VPS8: variants seen among roughly 807,000 people sequenced by gnomAD.
VPS8 encodes the protein VPS8 subunit of CORVET complex, also known as vacuolar protein sorting-associated protein 8 homolog.
VPS8 carries 129 observed loss-of-function variants against 216.4 expected under a neutral mutation model. The ratio of observed to expected loss-of-function variants is 0.60; its 90% confidence interval spans 0.52 to 0.69. VPS8 has a LOEUF of 0.69. VPS8 is among the 30% of genes least tolerant of loss of function. The probability of loss-of-function intolerance (pLI) is 0.00; values close to 1 mark genes in which losing one functional copy is unlikely to be tolerated. For synonymous variants in VPS8, 571 were observed against 565.4 expected, an observed-to-expected ratio of 1.01 and a Z score of -0.14; for missense variants, 1,531 against 1,683.5, an observed-to-expected ratio of 0.91 and a Z score of 1.59.
At chr3:184,937,191 T>C (rs1576904194) in intron 35 of VPS8, among the ~76,000 whole-genome samples, 1 of 152,202 alleles carries the variant, frequency 6.6e-6, no homozygotes, top group Non-Finnish European at 1.5e-5. Context: ...TTGAATGGAC[T>C]GTTTAAGGTA....
intron 36 of VPS8, among the ~76,000 whole-genome samples, chr3:184,947,576 C>T (rs564744452): frequency 6.6e-6 from 1 of 151,088 alleles, no homozygotes; most frequent in Non-Finnish European, 1.5e-5. Context: ...TCAAAATCAA[C>T]TCTATGATAT....
At chr3:184,924,716 G>A (rs1739250502) in intron 29 of VPS8, 146 bp from the exon 30 acceptor site, 3 of 1,043,830 alleles carry the variant, frequency 2.9e-6, no homozygotes, top group Non-Finnish European at 4.0e-6. Context: ...ATTCTAAATG[G>A]CGTTGAATTC....
chr3:184,909,587 G>A (rs191639510), intron 25 of VPS8, among the ~76,000 whole-genome samples: 334 of 151,702 alleles, frequency 2.2e-3, no homozygotes, highest in Non-Finnish European at 3.9e-3. Context: ...TATATTTTTC[G>A]GTCTAATTTC....
At chr3:185,038,634 C>T (rs902501420) in intron 46 of VPS8, among the ~76,000 whole-genome samples, 1 of 152,184 alleles carries the variant, frequency 6.6e-6, no homozygotes, top group African/African-American at 2.4e-5. Flanking sequence ...GAAGTCAGTT[C>T]CTCTGGGAAA....
At chr3:184,860,429 A>ATG (rs1577943271) in intron 15 of VPS8, among the ~76,000 whole-genome samples, 1 of 148,728 alleles carries the variant, frequency 6.7e-6, no homozygotes, top group Non-Finnish European at 1.5e-5. Flanking sequence ...ATATGTATAT[A>ATG]TGTGTGTATA....
chr3:184,854,078 C>T (rs570877607), intron 12 of VPS8, 36 bp from the exon 13 acceptor site: 1 of 1,612,540 alleles, frequency 6.2e-7, no homozygotes, highest in South Asian at 1.1e-5. Flanking sequence ...TTGAAAATTC[C>T]AAGGTCAATA....
intron 45 of VPS8, among the ~76,000 whole-genome samples, chr3:185,008,605 G>A (rs746649100): frequency 2.0e-5 from 3 of 152,106 alleles, no homozygotes; most frequent in Non-Finnish European, 4.4e-5. Context: ...ATATGCAGAG[G>A]TAATATTTAA....
chr3:184,908,246 G>T (rs912206008), intron 25 of VPS8, among the ~76,000 whole-genome samples: 3 of 152,170 alleles, frequency 2.0e-5, no homozygotes, highest in East Asian at 3.9e-4. Flanking sequence ...GTGACAATTC[G>T]CTGAGGATGG....
At chr3:184,953,144 A>G (rs1038807297) in intron 36 of VPS8, among the ~76,000 whole-genome samples, 8 of 152,300 alleles carry the variant, frequency 5.3e-5, no homozygotes, top group African/African-American at 1.9e-4. Flanking sequence ...CCAAACACCC[A>G]CATTGAGGTT....
intron 24 of VPS8, among the ~76,000 whole-genome samples, 195 bp downstream of exon 24, chr3:184,898,849 T>C (rs1474254736): frequency 6.6e-6 from 1 of 152,166 alleles, no homozygotes; most frequent in Non-Finnish European, 1.5e-5. Context: ...ATTGCTTGCT[T>C]TCTTATCTAA....
intron 8 of VPS8, 135 bp downstream of exon 8, chr3:184,843,380 G>A (rs1722546335): frequency 1.9e-6 from 1 of 526,650 alleles, no homozygotes; most frequent in Middle Eastern, 3.2e-4. Flanking sequence ...TGAAAAATTA[G>A]TTAAGTGGGA....
chr3:184,980,291 T>G lies in VPS8; in HGVS notation c.3421-2275T>G, dbSNP rs562701255. On this transcript the variant is annotated intron_variant, in intron 40 of 47. Transcript: ENST00000625842. ...TCGGTAATGGTCATCTTGTATAATATCTCACAAGGGTTCTCTGCATTTCCT... is the reference window on the plus strand; with the variant it reads ...TCGGTAATGGTCATCTTGTATAATAGCTCACAAGGGTTCTCTGCATTTCCT... Among the ~76,000 whole-genome samples, 560 of 152,210 alleles carry G rather than the reference T, an allele frequency of 3.7e-3. 3 individuals carry two copies. The highest frequency in any genetic ancestry group is 0.013 in the African/African-American group (538 of 41,526).
chr3:185,003,156 A>ATT (rs57940868), intron 45 of VPS8, among the ~76,000 whole-genome samples: 18,571 of 128,430 alleles, frequency 0.14, 2,522 homozygotes, highest in African/African-American at 0.34. Flanking sequence ...ATTTTTTCTC[A>ATT]TTTTTTTTTT....
At chr3:184,878,265 C>T (rs1340608598) in intron 21 of VPS8, among the ~76,000 whole-genome samples, 2 of 152,048 alleles carry the variant, frequency 1.3e-5, no homozygotes, top group Non-Finnish European at 2.9e-5. Context: ...TGCCCGCCAC[C>T]ACACCCAGCT....
chr3:184,921,605 G>A (rs1328020640), intron 29 of VPS8, among the ~76,000 whole-genome samples: 1 of 151,422 alleles, frequency 6.6e-6, no homozygotes, highest in Non-Finnish European at 1.5e-5. Flanking sequence ...ACTGAGTCTT[G>A]CTCTGTTGCC....
intron 25 of VPS8, among the ~76,000 whole-genome samples, chr3:184,903,059 A>T (rs1042987923): frequency 6.6e-6 from 1 of 152,112 alleles, no homozygotes; most frequent in Non-Finnish European, 1.5e-5. Context: ...ATTTTCATTG[A>T]ATTACCTTGA....
chr3:184,878,114 C>A (rs1308690785), intron 21 of VPS8, among the ~76,000 whole-genome samples: 1 of 151,544 alleles, frequency 6.6e-6, no homozygotes, highest in East Asian at 1.9e-4. Flanking sequence ...TTTTAAAAGA[C>A]CCTTTTTTTT....
At chr3:184,817,773 A>T (rs1438356967) in intron 1 of VPS8, among the ~76,000 whole-genome samples, 3 of 152,214 alleles carry the variant, frequency 2.0e-5, no homozygotes, top group Admixed American at 1.3e-4. Flanking sequence ...CATTTTTCGA[A>T]TGTCTACCTA....
At chr3:184,955,816 A>G (rs1028254914) in intron 36 of VPS8, among the ~76,000 whole-genome samples, 1 of 152,184 alleles carries the variant, frequency 6.6e-6, no homozygotes, top group Non-Finnish European at 1.5e-5. Context: ...GTAAACAATT[A>G]TGAATGCAAT....
Sources: allele counts gnomAD v4.1 joint callset (sites outside exome capture counted in the v4.1 genomes callset), GRCh38; gene constraint gnomAD v4.1.1; transcripts MANE v1.5; gene names NCBI Gene and HGNC (gene_info 2026-07-23, HGNC 2026-07-21).